The following SRGAP1 variants were observed in gnomAD, a reference collection of about 807,000 sequenced individuals.
SRGAP1 encodes SLIT-ROBO Rho GTPase-activating protein 1.
A neutral mutation model predicts 121.9 loss-of-function variants in SRGAP1; 43 were observed. The observed-to-expected ratio is 0.35, with a 90% CI of 0.28 to 0.46. SRGAP1 has a LOEUF of 0.46. Ranked by LOEUF, SRGAP1 falls within the 20% of genes least tolerant of loss-of-function variation. SRGAP1 has a pLI of 1.00. For missense variants in SRGAP1, 1,102 were observed against 1,350.9 expected (o/e 0.82, Z 2.89); for synonymous variants, 447 against 485.4 (o/e 0.92, Z 1.04).
intron 21 of SRGAP1, among the ~76,000 whole-genome samples, chr12:64,140,512 TG>T (rs1229477322): frequency 1.3e-5 from 2 of 152,068 alleles, no homozygotes; most frequent in South Asian, 2.1e-4. Flanking sequence ...CAATTGTGAA[TG>T]GGAGTTCACT....
chr12:63,881,954 A>G (rs1296005742), intron 1 of SRGAP1, among the ~76,000 whole-genome samples: 1 of 152,200 alleles, frequency 6.6e-6, no homozygotes, highest in Admixed American at 6.5e-5. Context: ...AGTTTTACTA[A>G]TTCAAGGACT....
At chr12:64,069,126 C>T (rs536120758) in intron 8 of SRGAP1, among the ~76,000 whole-genome samples, 20 of 152,140 alleles carry the variant, frequency 1.3e-4, no homozygotes, top group African/African-American at 2.4e-4. Flanking sequence ...TTCTACAGGA[C>T]GGTAACTGAC....
Position 63,984,090 on chromosome 12 carries a change from G to A in SRGAP1, c.211G>A (p.Ala71Thr). ...ATATTCCCGGAATCTAGAGAAGTTA[G>A]CAGAAAGGTTCATGGCAAAAACAAG... ...TEYSRNLEKL[A>T]ERFMAKTRST... Residue 71 changes from alanine (A) to threonine (T), a missense_variant, in exon 2 of 22, where the codon GCA becomes ACA. Coordinates refer to ENST00000355086, the MANE Select transcript of SRGAP1 (RefSeq NM_020762.4). The A allele has an allele frequency of 1.3e-6, 2 of 1,532,784 alleles. No homozygotes were observed. The highest frequency in any genetic ancestry group is 8.8e-7 in the Non-Finnish European group (1 of 1,130,924). 94.9% of individuals were successfully genotyped at this position (1,532,784 alleles called of 1,614,324 possible).
Position 63,984,815 on chromosome 12 carries a change from A to G in SRGAP1, c.263+673A>G, listed in dbSNP as rs2033369079. Among the ~76,000 whole-genome samples, 4 of 152,248 alleles carry G rather than the reference A, an allele frequency of 2.6e-5. No individual in the cohort carries two copies. In the South Asian group the frequency reaches 8.3e-4, roughly 32 times the overall value. On this transcript the variant is annotated intron_variant, in intron 2 of 21. Transcript: ENST00000355086. ...TGGATCACCTGAGGTCAGGAGTTCAAGACCAGCCTGACCAATATGGTGAAA... is the reference window on the plus strand; with the variant it reads ...TGGATCACCTGAGGTCAGGAGTTCAGGACCAGCCTGACCAATATGGTGAAA...
At chr12:64,028,081 A>T (rs1386389163) in intron 4 of SRGAP1, among the ~76,000 whole-genome samples, 1 of 152,228 alleles carries the variant, frequency 6.6e-6, no homozygotes, top group Non-Finnish European at 1.5e-5. Context: ...AATTCTAGTA[A>T]ATTTGGTGGG....
intron 1 of SRGAP1, among the ~76,000 whole-genome samples, chr12:63,861,122 T>A (rs971397783): frequency 7.3e-5 from 11 of 151,086 alleles, no homozygotes; most frequent in Admixed American, 6.6e-4. Flanking sequence ...TTTTCTGATA[T>A]AAAAATAAAA....
intron 1 of SRGAP1, among the ~76,000 whole-genome samples, chr12:63,886,247 A>C (rs900454462): frequency 2.0e-5 from 3 of 152,080 alleles, no homozygotes; most frequent in African/African-American, 4.8e-5. Flanking sequence ...TTTTTAGTAG[A>C]GATGGGGTTT....
At chr12:63,912,956 A>G (rs2030570159) in intron 1 of SRGAP1, among the ~76,000 whole-genome samples, 1 of 152,124 alleles carries the variant, frequency 6.6e-6, no homozygotes, top group Non-Finnish European at 1.5e-5. Flanking sequence ...TTAAATACCC[A>G]GTAGAGGAGT....
rs866485839 is a variant in SRGAP1, at chr12:64,147,048, C to G, written c.*4376C>G. ...ATGAACCGTGCATTTGTGAATGCCC[C>G]CCTTAGAGCATTCATCCAAGTTCAG... On this transcript the variant is annotated 3_prime_UTR_variant, in exon 22 of 22. Coordinates refer to ENST00000355086, the MANE Select transcript of SRGAP1 (RefSeq NM_020762.4). 2.4e-4 allele frequency: 38 copies of G among 156,210 alleles called. 1 individual carries two copies. The highest frequency in any genetic ancestry group is 8.6e-4 in the African/African-American group (36 of 41,624). 9.7% of individuals were successfully genotyped at this position (156,210 alleles called of 1,614,324 possible).
At chr12:64,051,980 G>A (rs1221119009) in intron 6 of SRGAP1, among the ~76,000 whole-genome samples, 1 of 152,106 alleles carries the variant, frequency 6.6e-6, no homozygotes, top group African/African-American at 2.4e-5. Context: ...CATAAACTTA[G>A]TAGGTAAAAA....
chr12:63,959,121 G>C (rs537237357), intron 1 of SRGAP1, among the ~76,000 whole-genome samples: 3 of 152,214 alleles, frequency 2.0e-5, no homozygotes, highest in African/African-American at 7.2e-5. Flanking sequence ...TTAATTTGGG[G>C]CAATCTGTTT....
chr12:63,885,218 A>G (rs1170421133), intron 1 of SRGAP1, among the ~76,000 whole-genome samples: 1 of 152,158 alleles, frequency 6.6e-6, no homozygotes, highest in Non-Finnish European at 1.5e-5. Flanking sequence ...CTGACCAACC[A>G]GATTCAACTT....
intron 1 of SRGAP1, among the ~76,000 whole-genome samples, chr12:63,846,774 A>G (rs1002661539): frequency 3.9e-5 from 6 of 152,206 alleles, no homozygotes; most frequent in African/African-American, 1.4e-4. Flanking sequence ...CACATCCAGT[A>G]TCTAACCTAG....
intron 1 of SRGAP1, among the ~76,000 whole-genome samples, chr12:63,855,573 C>T (rs547230963): frequency 6.9e-6 from 1 of 144,128 alleles, no homozygotes; most frequent in East Asian, 2.1e-4. Context: ...TCACTGCAAC[C>T]TCCACCTCCC....
intron 1 of SRGAP1, among the ~76,000 whole-genome samples, chr12:63,853,326 C>A (rs1179817137): frequency 6.6e-6 from 1 of 151,984 alleles, no homozygotes; most frequent in Non-Finnish European, 1.5e-5. Context: ...CGGCCTATTA[C>A]CACAAAATTT....
chr12:63,986,021 C>G (rs1269424780), intron 2 of SRGAP1, among the ~76,000 whole-genome samples: 1 of 152,204 alleles, frequency 6.6e-6, no homozygotes, highest in Non-Finnish European at 1.5e-5. Flanking sequence ...GAAGCAAACA[C>G]AAAACTATTC....
intron 1 of SRGAP1, among the ~76,000 whole-genome samples, chr12:63,941,313 C>T (rs529021342): frequency 1.3e-5 from 2 of 152,144 alleles, no homozygotes; most frequent in South Asian, 2.1e-4. Context: ...GTCTTGTCAT[C>T]ATGCCAAAAA....
intron 4 of SRGAP1, among the ~76,000 whole-genome samples, chr12:64,020,167 A>G (rs1173253569): frequency 6.6e-6 from 1 of 152,154 alleles, no homozygotes; most frequent in African/African-American, 2.4e-5. Flanking sequence ...TCTCAAATAA[A>G]ATATATATGC....
At chr12:64,039,665 C>T (rs4553444) in intron 4 of SRGAP1, among the ~76,000 whole-genome samples, 81,420 of 143,070 alleles carry the variant, frequency 0.57, 23,932 homozygotes, top group South Asian at 0.66. Context: ...GTGTGTACAC[C>T]CTCTCATTTT....
Sources: allele counts gnomAD v4.1 joint callset (sites outside exome capture counted in the v4.1 genomes callset), GRCh38; gene constraint gnomAD v4.1.1; transcripts MANE v1.5; gene names NCBI Gene and HGNC (gene_info 2026-07-23, HGNC 2026-07-21).